The following TRPM2 variants were observed in gnomAD, a reference collection of about 807,000 sequenced individuals.
TRPM2 encodes transient receptor potential cation channel subfamily M member 2.
In TRPM2, 161 loss-of-function variants were observed where a neutral mutation model predicts 174.0. That is an observed-to-expected ratio of 0.93 (90% CI 0.81 to 1.05). The LOEUF (loss-of-function observed/expected upper bound fraction) is 1.05, where lower values mean the gene tolerates loss of function less well. Among genes scored for constraint, TRPM2 ranks in the 50% least tolerant of loss-of-function variants. The probability of loss-of-function intolerance (pLI) is 0.00; values close to 1 mark genes in which losing one functional copy is unlikely to be tolerated. For missense variants in TRPM2, 2,057 were observed against 2,038.0 expected (o/e 1.01, Z -0.18); for synonymous variants, 954 against 861.3 (o/e 1.11, Z -1.88).
At chr21:44,392,699 A>G (rs1200318981) in intron 11 of TRPM2, among the ~76,000 whole-genome samples, 1 of 152,084 alleles carries the variant, frequency 6.6e-6, no homozygotes, top group African/African-American at 2.4e-5. Flanking sequence ...GGGCTTCAAC[A>G]TATGAATTTT....
rs113309039 is a variant in TRPM2, at chr21:44,410,470, G to A, written c.2963-3421G>A. 1.6e-4 allele frequency among the ~76,000 whole-genome samples: 11 copies of A among 69,228 alleles called. No homozygotes were observed. In the East Asian group the frequency reaches 1.6e-3, roughly 10 times the overall value. 45.4% of individuals were successfully genotyped at this position (69,228 alleles called of 152,430 possible). ...TTTTGACCGCACTGTCTTGGTGAGCGTAGCCTTGTAGTAAGTTTTGACCGC... is the reference window on the plus strand; with the variant it reads ...TTTTGACCGCACTGTCTTGGTGAGCATAGCCTTGTAGTAAGTTTTGACCGC... On this transcript the variant is annotated intron_variant, in intron 19 of 31. Transcript: ENST00000397928.
At chr21:44,425,482 C>G (rs1377004043) in intron 24 of TRPM2, 188 bp from the exon 25 acceptor site, 2 of 579,234 alleles carry the variant, frequency 3.5e-6, no homozygotes. Context: ...CCTGAGCTCC[C>G]GTGGCTGTCC....
intron 4 of TRPM2, among the ~76,000 whole-genome samples, chr21:44,368,158 TC>T: frequency 6.6e-6 from 1 of 152,242 alleles, no homozygotes; most frequent in Admixed American, 6.5e-5. Flanking sequence ...CTCAGTCTGT[TC>T]CCCAGGCTGG....
chr21:44,352,736 C>T (rs1311771785), upstream of TRPM2, among the ~76,000 whole-genome samples: 3 of 152,168 alleles, frequency 2.0e-5, no homozygotes, highest in Admixed American at 1.3e-4. Context: ...GGCAGTCATC[C>T]GGTGGCTTCT....
intron 12 of TRPM2, 129 bp from the exon 13 acceptor site, chr21:44,397,618 A>G (rs2049470040): frequency 2.0e-6 from 2 of 1,019,980 alleles, no homozygotes; most frequent in Non-Finnish European, 2.7e-6. Flanking sequence ...ATGTGGTCAC[A>G]CACAGTGATT....
rs540590486 is a variant in TRPM2 at position 44,418,281 on chromosome 21, C to T, written c.3329-142C>T. On this transcript the variant is annotated intron_variant, in intron 21 of 31. Coordinates refer to ENST00000397928, the MANE Select transcript of TRPM2 (RefSeq NM_003307.4). The stretch of plus-strand genomic sequence containing the variant: ...AGTGGTGGGGGCTGAGCCCAGAGGC[C>T]CCCTTGGGGGCAGGTGTGCGATGGG... The T allele has an allele frequency of 1.2e-5, 17 of 1,380,456 alleles. No homozygotes were observed. The South Asian group carries it at 2.2e-4, about 18-fold the overall frequency. 85.5% of individuals were successfully genotyped at this position (1,380,456 alleles called of 1,614,324 possible).
rs1602198111 is a variant in TRPM2 at position 44,391,195 on chromosome 21, T to C, written c.1441-77T>C. On this transcript the variant is annotated intron_variant, in intron 10 of 31. Transcript: ENST00000397928. This position sits in a 1 kb window ranked among gnomAD's most constrained non-coding sequence, Gnocchi z 5.0. The stretch of plus-strand genomic sequence containing the variant: ...AGGTTGGGGACAACAGCAGCCCCCA[T>C]CTCCAGGGTCTTTGAGATCAGGATG... 3 of 1,537,318 alleles carry C rather than the reference T, an allele frequency of 2.0e-6. No individual in the cohort carries two copies. The highest frequency in any genetic ancestry group is 2.7e-5 in the African/African-American group (2 of 73,434).
Position 44,399,408 on chromosome 21 carries a change from G to A in TRPM2, c.2175G>A (p.Lys725=). 2.5e-6 allele frequency: 4 copies of A among 1,612,676 alleles called. No homozygotes were observed. Among genetic ancestry groups the A allele is most frequent in the Non-Finnish European group, 3.4e-6 (4 of 1,179,854 alleles). The change falls in exon 14 of 32, where the codon AAG becomes AAA. Residue 725 remains lysine (K), a synonymous_variant. Transcript: ENST00000397928. The surrounding 1 kb of genome is among the most constrained non-coding windows in gnomAD (Gnocchi z 4.6). ...GCCTGCAGCTCGCCCTGGAGGCCAAGGACATGAAGTTTGTGTCTCACGGGG... is the reference window on the plus strand; with the variant it reads ...GCCTGCAGCTCGCCCTGGAGGCCAAAGACATGAAGTTTGTGTCTCACGGGG... ...TTCLQLALEA[K]DMKFVSHGGI...
At chr21:44,396,479 A>AG (rs200981735) in intron 12 of TRPM2, among the ~76,000 whole-genome samples, 1 of 9,790 alleles carries the variant, frequency 1.0e-4, no homozygotes. Context: ...AGGGGTGTGG[A>AG]GGCTGTGGAG....
intron 5 of TRPM2, among the ~76,000 whole-genome samples, chr21:44,372,722 C>T (rs1035083853): frequency 2.0e-5 from 3 of 152,132 alleles, no homozygotes; most frequent in Non-Finnish European, 1.5e-5. Context: ...TGGGGGAACA[C>T]GGGAGGAACG....
At chr21:44,414,116 G>T in intron 20 of TRPM2, 42 bp downstream of exon 20, 1 of 1,589,430 alleles carries the variant, frequency 6.3e-7, no homozygotes, top group South Asian at 1.1e-5. Flanking sequence ...GGGTGGGTGG[G>T]CGGCGTTCCT....
intron 19 of TRPM2, among the ~76,000 whole-genome samples, 159 bp from the exon 20 acceptor site, chr21:44,413,732 C>A (rs2050181961): frequency 6.6e-6 from 1 of 152,186 alleles, no homozygotes; most frequent in Non-Finnish European, 1.5e-5. Flanking sequence ...TCTTTCTGGA[C>A]TTCTGGCCCA....
Position 44,437,098 on chromosome 21 carries a change from G to A in TRPM2, c.4098G>A (p.Lys1366=), listed in dbSNP as rs1370060056. ...ACGAGGATGGAGCCATCTGCAGGAAGAGCATAAAGAAGATGCTGGAAGTGC... is the reference window on the plus strand; with the variant it reads ...ACGAGGATGGAGCCATCTGCAGGAAAAGCATAAAGAAGATGCTGGAAGTGC... The part of the protein sequence containing the change: ...RRNEDGAICR[K]SIKKMLEVLV... Residue 1366 remains lysine, a synonymous_variant, in exon 29 of 32, where the codon AAG becomes AAA. Coordinates refer to ENST00000397928, the MANE Select transcript of TRPM2 (RefSeq NM_003307.4). 1.3e-6 allele frequency: 2 copies of A among 1,551,284 alleles called. No homozygotes were observed. Among genetic ancestry groups the A allele is most frequent in the Admixed American group, 2.0e-5 (1 of 51,006 alleles).
intron 9 of TRPM2, among the ~76,000 whole-genome samples, chr21:44,388,391 C>T (rs972023816): frequency 6.6e-6 from 1 of 151,932 alleles, no homozygotes; most frequent in Non-Finnish European, 1.5e-5. Context: ...TGGTGGGTGC[C>T]AGGATCTGGG....
At chr21:44,423,855 G>A (rs1027271331) in intron 23 of TRPM2, 123 bp downstream of exon 23, 34 of 836,430 alleles carry the variant, frequency 4.1e-5, no homozygotes, top group East Asian at 5.3e-5. Flanking sequence ...AGGCCGGAAC[G>A]TTGGGGCAGC....
chr21:44,412,182 G>A lies in TRPM2; in HGVS notation c.2963-1709G>A, dbSNP rs569521981. 6.6e-4 allele frequency among the ~76,000 whole-genome samples: 101 copies of A among 152,216 alleles called. No individual in the cohort carries two copies. The South Asian group carries it at 0.01, about 15-fold the overall frequency. On this transcript the variant is annotated intron_variant, in intron 19 of 31. Coordinates refer to ENST00000397928, the MANE Select transcript of TRPM2 (RefSeq NM_003307.4). Reference sequence around the variant, plus strand: ...GTAAAAGAGTGGTTTTAATTCTTCCGTGAACATTTGGTAGAATTCACCAGT... The same window carrying A: ...GTAAAAGAGTGGTTTTAATTCTTCCATGAACATTTGGTAGAATTCACCAGT...
At position 44,367,276 on chromosome 21, in the gene TRPM2, G is replaced by A. The variant is rs1157483550; in HGVS notation, c.604+342G>A. Reference sequence around the variant, plus strand: ...GTGGCCTGAGAACCTTGGTGGCCTGGGAATCTTGGTGGCCTGAGAACCTCG... The same window carrying A: ...GTGGCCTGAGAACCTTGGTGGCCTGAGAATCTTGGTGGCCTGAGAACCTCG... On this transcript the variant is annotated intron_variant, in intron 4 of 31. Coordinates refer to ENST00000397928, the MANE Select transcript of TRPM2 (RefSeq NM_003307.4). This position sits in a 1 kb window ranked among gnomAD's most constrained non-coding sequence, Gnocchi z 4.6. Among the ~76,000 whole-genome samples the A allele has an allele frequency of 6.6e-6, 1 of 151,972 alleles. No individual in the cohort carries two copies. Among genetic ancestry groups the A allele is most frequent in the African/African-American group, 2.4e-5 (1 of 41,382 alleles).
Position 44,379,134 on chromosome 21 carries a change from C to T in TRPM2, c.1152C>T (p.Ser384=), listed in dbSNP as rs187815085. 9.9e-6 allele frequency: 16 copies of T among 1,613,590 alleles called. No individual in the cohort carries two copies. The highest frequency in any genetic ancestry group is 8.0e-5 in the African/African-American group (6 of 75,060). ...ITISLIQQKL[S]VFFQEMFETF... is the part of the protein sequence containing the mutation. ...TCTCCCTGATCCAGCAGAAACTGAG[C>T]GTGTTCTTCCAGGAGATGTTTGAGA... Residue 384 remains serine, a synonymous_variant, in exon 8 of 32, where the codon AGC becomes AGT. Transcript: ENST00000397928.
chr21:44,425,196 G>C (rs906933564), intron 24 of TRPM2: 3 of 524,416 alleles, frequency 5.7e-6, no homozygotes, highest in African/African-American at 1.9e-5. Context: ...TGTGCCCTGA[G>C]CTCCCCACAT....
Sources: allele counts gnomAD v4.1 joint callset (sites outside exome capture counted in the v4.1 genomes callset), GRCh38; gene constraint gnomAD v4.1.1; non-coding constraint Gnocchi (gnomAD v3.1); transcripts MANE v1.5; gene names NCBI Gene and HGNC (gene_info 2026-07-23, HGNC 2026-07-21).